The following FBXW8 variants were observed in gnomAD, a reference collection of about 807,000 sequenced individuals.
FBXW8 encodes F-box and WD repeat domain containing 8, also known as F-box/WD repeat-containing protein 8.
FBXW8 carries 57 observed loss-of-function variants against 65.3 expected under a neutral mutation model. The ratio of observed to expected loss-of-function variants is 0.87; its 90% confidence interval spans 0.71 to 1.09. The LOEUF is 1.09. Among genes scored for constraint, FBXW8 ranks in the 50% least tolerant of loss-of-function variants. The pLI, the probability that FBXW8 is intolerant of heterozygous loss-of-function variation, is 0.00. For synonymous variants in FBXW8, 308 were observed against 330.2 expected, an observed-to-expected ratio of 0.93 and a Z score of 0.73; for missense variants, 777 against 814.8, an observed-to-expected ratio of 0.95 and a Z score of 0.57.
At chr12:116,940,397 G>A (rs1298117106) in intron 2 of FBXW8, among the ~76,000 whole-genome samples, 1 of 151,524 alleles carries the variant, frequency 6.6e-6, no homozygotes, top group African/African-American at 2.4e-5. Context: ...AATGCTGGGG[G>A]GTGGGGCAGA....
intron 5 of FBXW8, among the ~76,000 whole-genome samples, chr12:116,976,615 C>T (rs1317924463): frequency 1.5e-5 from 2 of 135,174 alleles, no homozygotes; most frequent in Non-Finnish European, 3.1e-5. Context: ...ACCACCACAC[C>T]GGCTAATTTT....
intron 3 of FBXW8, among the ~76,000 whole-genome samples, chr12:116,947,025 G>A (rs1467637068): frequency 1.3e-5 from 2 of 152,126 alleles, no homozygotes; most frequent in East Asian, 1.9e-4. Context: ...GAGAAAAGCA[G>A]CAGCTGTGTT....
Position 117,027,388 on chromosome 12 carries a change from T to G in FBXW8, c.1542-6T>G. ...CCCTTACGAGCTCTCTCCCACTGCCTTCCAGGCACCCGGTGCAGCACATCT... is the reference window on the plus strand; with the variant it reads ...CCCTTACGAGCTCTCTCCCACTGCCGTCCAGGCACCCGGTGCAGCACATCT... On this transcript the variant is annotated splice_polypyrimidine_tract_variant and splice_region_variant and intron_variant, in intron 9 of 10. Coordinates refer to ENST00000652555, the MANE Select transcript of FBXW8 (RefSeq NM_153348.3). 1 of 1,613,634 alleles carries G rather than the reference T, an allele frequency of 6.2e-7. No homozygotes were observed. Among genetic ancestry groups the G allele is most frequent in the South Asian group, 1.1e-5 (1 of 91,066 alleles).
intron 2 of FBXW8, among the ~76,000 whole-genome samples, chr12:116,940,470 T>G (rs1882484244): frequency 6.8e-6 from 1 of 147,184 alleles, no homozygotes; most frequent in Admixed American, 6.9e-5. Context: ...GTATAAAAAA[T>G]AGTGTGGTGG....
At chr12:116,940,772 T>C (rs991568556) in intron 2 of FBXW8, among the ~76,000 whole-genome samples, 1 of 152,152 alleles carries the variant, frequency 6.6e-6, no homozygotes, top group South Asian at 2.1e-4. Flanking sequence ...TGTTGATGGC[T>C]ACAAGTAAAG....
intron 7 of FBXW8, among the ~76,000 whole-genome samples, chr12:116,996,819 C>T (rs904650805): frequency 6.6e-6 from 1 of 152,088 alleles, no homozygotes; most frequent in African/African-American, 2.4e-5. Context: ...ACACATGCTG[C>T]GTGTGCAATA....
intron 5 of FBXW8, among the ~76,000 whole-genome samples, chr12:116,966,595 A>G (rs1055154546): frequency 4.1e-4 from 63 of 152,212 alleles, no homozygotes; most frequent in African/African-American, 1.2e-3. Flanking sequence ...GCTTGAAAAT[A>G]CAGCTTGAGG....
chr12:116,938,539 T>C (rs1882318266), intron 2 of FBXW8, among the ~76,000 whole-genome samples: 1 of 152,234 alleles, frequency 6.6e-6, no homozygotes, highest in South Asian at 2.1e-4. Context: ...GCATTTTCCT[T>C]GAAACTGTTA....
chr12:117,016,146 G>C (rs939226218), intron 8 of FBXW8, among the ~76,000 whole-genome samples: 3 of 152,138 alleles, frequency 2.0e-5, no homozygotes, highest in Non-Finnish European at 4.4e-5. Flanking sequence ...GTGTAAGTTT[G>C]TATGCATATT....
chr12:117,010,687 A>G (rs1013019028), intron 8 of FBXW8, among the ~76,000 whole-genome samples: 1 of 152,208 alleles, frequency 6.6e-6, no homozygotes, highest in African/African-American at 2.4e-5. Flanking sequence ...CTTTTAAGCC[A>G]TTTGGTGGCC....
chr12:116,983,688 A>G lies in FBXW8; in HGVS notation c.836-1518A>G, dbSNP rs145470547. Among the ~76,000 whole-genome samples, 47 of 152,360 alleles carry G rather than the reference A, an allele frequency of 3.1e-4. No homozygotes were observed. In the East Asian group the frequency reaches 7.5e-3, roughly 24 times the overall value. ...CAAAAAGCTTGGTCTGTTCTAGATA[A>G]TAGGAAGTTATAGGAAATAGGGCTA... is the stretch of plus-strand genomic sequence containing the variant. On this transcript the variant is annotated intron_variant, in intron 5 of 10. Coordinates refer to ENST00000652555, the MANE Select transcript of FBXW8 (RefSeq NM_153348.3).
At chr12:117,006,521 G>C (rs1953677529) in intron 7 of FBXW8, among the ~76,000 whole-genome samples, 1 of 152,260 alleles carries the variant, frequency 6.6e-6, no homozygotes, top group African/African-American at 2.4e-5. Flanking sequence ...GCCCACGGCG[G>C]TGGCTGATGC....
intron 9 of FBXW8, among the ~76,000 whole-genome samples, 179 bp from the exon 10 acceptor site, chr12:117,027,215 C>T (rs1313824896): frequency 6.6e-6 from 1 of 152,212 alleles, no homozygotes; most frequent in African/African-American, 2.4e-5. Context: ...GGCCTGCTCA[C>T]CTGAGCTTCG....
intron 7 of FBXW8, among the ~76,000 whole-genome samples, chr12:117,007,400 A>G (rs1438971223): frequency 1.3e-5 from 2 of 152,198 alleles, no homozygotes; most frequent in Non-Finnish European, 2.9e-5. Flanking sequence ...TGCATTTCCT[A>G]TAGTTACCAT....
rs532818740 is a variant in FBXW8, at chr12:116,922,657, G to A, written c.319-5366G>A. On this transcript the variant is annotated intron_variant, in intron 1 of 10. Transcript: ENST00000652555. The stretch of plus-strand genomic sequence containing the variant: ...CATTTACAGAATTAGTCTTACATTA[G>A]CACATAGGAATACAAATCAGCCTCC... Among the ~76,000 whole-genome samples the A allele has an allele frequency of 1.1e-4, 16 of 152,252 alleles. No homozygotes were observed. The South Asian group carries it at 2.7e-3, about 26-fold the overall frequency.
At chr12:116,943,643 A>C (rs1274064205) in intron 2 of FBXW8, among the ~76,000 whole-genome samples, 1 of 152,214 alleles carries the variant, frequency 6.6e-6, no homozygotes, top group African/African-American at 2.4e-5. Flanking sequence ...CCTCAGGGTC[A>C]GCCAGAGGGG....
chr12:117,021,127 G>A (rs565327343), intron 8 of FBXW8, among the ~76,000 whole-genome samples: 51 of 152,164 alleles, frequency 3.4e-4, no homozygotes, highest in Non-Finnish European at 5.9e-4. Flanking sequence ...ACAGTGCCTC[G>A]TAGGGCATGT....
Position 116,928,022 on chromosome 12 carries a change from G to A in FBXW8, c.319-1G>A, listed in dbSNP as rs141082626. 14 of 1,562,178 alleles carry A rather than the reference G, an allele frequency of 9.0e-6. No individual in the cohort carries two copies. The African/African-American group carries it at 1.9e-4, about 22-fold the overall frequency. Reference sequence around the variant, plus strand: ...CTTCTTTCTTTTTTTTTTCCCCTCAGAATGAAATGAATGATGTGCCTTTCT... The same window carrying A: ...CTTCTTTCTTTTTTTTTTCCCCTCAAAATGAAATGAATGATGTGCCTTTCT... On this transcript the variant is annotated splice_acceptor_variant, in intron 1 of 10. Transcript: ENST00000652555. LOFTEE classifies it high-confidence loss of function.
chr12:116,921,171 G>T (rs1285216792), intron 1 of FBXW8, among the ~76,000 whole-genome samples: 2 of 152,130 alleles, frequency 1.3e-5, no homozygotes, highest in Non-Finnish European at 2.9e-5. Flanking sequence ...GCCTATTCTC[G>T]TAAAAAAAGG....
Sources: gnomAD v4.1 joint callset for allele counts (sites outside exome capture counted in the v4.1 genomes callset) on GRCh38, gnomAD v4.1.1 for gene constraint, MANE v1.5 for transcripts, NCBI Gene and HGNC (gene_info 2026-07-23, HGNC 2026-07-21) for gene names.